The following TMEM117 variants were observed in gnomAD, a reference collection of about 807,000 sequenced individuals.
TMEM117 encodes transmembrane protein 117.
In TMEM117, 27 loss-of-function variants were observed where a neutral mutation model predicts 52.4. The observed-to-expected ratio is 0.51, with a 90% CI of 0.38 to 0.71. The LOEUF (loss-of-function observed/expected upper bound fraction) is 0.71. Ranked by LOEUF, TMEM117 falls within the 30% of genes least tolerant of loss-of-function variation. The probability of loss-of-function intolerance (pLI) is 0.00; values close to 1 mark genes in which losing one functional copy is unlikely to be tolerated. For missense variants in TMEM117, 556 were observed against 630.5 expected, an observed-to-expected ratio of 0.88 and a Z score of 1.26; for synonymous variants, 215 against 206.3, an observed-to-expected ratio of 1.04 and a Z score of -0.36.
chr12:44,070,530 G>C (rs1372335569), intron 3 of TMEM117, among the ~76,000 whole-genome samples: 1 of 152,144 alleles, frequency 6.6e-6, no homozygotes, highest in South Asian at 2.1e-4. Flanking sequence ...TACCTGTTGT[G>C]GTTTATCATT....
chr12:44,273,481 C>T (rs1950474499), intron 5 of TMEM117, among the ~76,000 whole-genome samples: 2 of 151,592 alleles, frequency 1.3e-5, no homozygotes, highest in African/African-American at 4.8e-5. Flanking sequence ...ACAGTATTAC[C>T]CTGACACCAA....
intron 6 of TMEM117, among the ~76,000 whole-genome samples, chr12:44,350,213 G>A (rs117355124): frequency 0.015 from 2,255 of 151,824 alleles, 28 homozygotes; most frequent in Middle Eastern, 0.045. Context: ...TACATACTAG[G>A]TATATATCTT....
chr12:44,107,143 C>T (rs1326472118), intron 3 of TMEM117, among the ~76,000 whole-genome samples: 1 of 151,942 alleles, frequency 6.6e-6, no homozygotes, highest in East Asian at 1.9e-4. Flanking sequence ...TCACTTAGTT[C>T]TCAAAATAAC....
At chr12:44,205,809 G>A (rs1290682564) in intron 4 of TMEM117, among the ~76,000 whole-genome samples, 3 of 152,228 alleles carry the variant, frequency 2.0e-5, no homozygotes, top group Non-Finnish European at 4.4e-5. Flanking sequence ...TATGCTGCTG[G>A]TGGGAATGTA....
intron 6 of TMEM117, among the ~76,000 whole-genome samples, chr12:44,300,573 G>A (rs1468291157): frequency 2.0e-5 from 3 of 152,044 alleles, no homozygotes; most frequent in Admixed American, 6.6e-5. Context: ...CATTTCTAGA[G>A]GCAAAAAGAG....
At chr12:43,961,843 C>T (rs1042504297) in intron 3 of TMEM117, among the ~76,000 whole-genome samples, 6 of 152,020 alleles carry the variant, frequency 3.9e-5, no homozygotes, top group Non-Finnish European at 7.4e-5. Flanking sequence ...ACTTTCTAGT[C>T]ATGGAAAATT....
intron 3 of TMEM117, among the ~76,000 whole-genome samples, chr12:43,967,063 G>A (rs995048168): frequency 6.6e-6 from 1 of 151,860 alleles, no homozygotes; most frequent in African/African-American, 2.4e-5. Context: ...TTAAGTATAG[G>A]TCGAACCCAG....
chr12:43,832,316 T>C (rs542451128), upstream of TMEM117, among the ~76,000 whole-genome samples: 9 of 152,364 alleles, frequency 5.9e-5, no homozygotes, highest in African/African-American at 1.9e-4. Context: ...GACTACCTAT[T>C]ACATGGCAGA....
chr12:44,044,253 C>G (rs766294349), intron 3 of TMEM117, among the ~76,000 whole-genome samples: 3 of 152,170 alleles, frequency 2.0e-5, no homozygotes, highest in Admixed American at 6.5e-5. Flanking sequence ...GAGCCTTTGG[C>G]AGGCCCCCAC....
intron 3 of TMEM117, among the ~76,000 whole-genome samples, chr12:44,100,619 A>T (rs1229816523): frequency 6.6e-6 from 1 of 151,954 alleles, no homozygotes; most frequent in African/African-American, 2.4e-5. Context: ...ACATCCCCCA[A>T]AGCAAAACTC....
chr12:43,945,697 A>G (rs1945120723), intron 3 of TMEM117, among the ~76,000 whole-genome samples: 1 of 152,204 alleles, frequency 6.6e-6, no homozygotes, highest in African/African-American at 2.4e-5. Context: ...GACAATAATA[A>G]ACCACTTTAG....
chr12:44,038,798 G>T (rs1293078998), intron 3 of TMEM117, among the ~76,000 whole-genome samples: 1 of 152,066 alleles, frequency 6.6e-6, no homozygotes, highest in Non-Finnish European at 1.5e-5. Context: ...TTGTTTAAAT[G>T]CTTTGAATAT....
chr12:44,119,224 T>C (rs1948194311), intron 3 of TMEM117, among the ~76,000 whole-genome samples: 1 of 152,272 alleles, frequency 6.6e-6, no homozygotes, highest in Non-Finnish European at 1.5e-5. Flanking sequence ...TGTCATCATA[T>C]GCTGTGTGCT....
chr12:43,938,235 T>A (rs1280084573), intron 2 of TMEM117, among the ~76,000 whole-genome samples: 1 of 147,858 alleles, frequency 6.8e-6, no homozygotes, highest in African/African-American at 2.5e-5. Context: ...AAGGCTATAT[T>A]ATATATTATT....
chr12:44,220,651 T>C (rs1434656625), intron 5 of TMEM117, among the ~76,000 whole-genome samples: 1 of 152,082 alleles, frequency 6.6e-6, no homozygotes. Context: ...CAGGGCTCTT[T>C]GGAGAAATGA....
chr12:44,064,756 T>C (rs7967835), intron 3 of TMEM117, among the ~76,000 whole-genome samples: 4,245 of 152,254 alleles, frequency 0.028, 125 homozygotes, highest in African/African-American at 0.074. Flanking sequence ...AGCCCTATAA[T>C]GGAGAGATGT....
intron 6 of TMEM117, among the ~76,000 whole-genome samples, chr12:44,314,188 A>C (rs1951025615): frequency 6.6e-6 from 1 of 152,282 alleles, no homozygotes. Context: ...TCTCATGGGG[A>C]ATACTTCCAG....
chr12:44,290,000 T>A (rs1950685075), intron 5 of TMEM117, among the ~76,000 whole-genome samples: 2 of 152,348 alleles, frequency 1.3e-5, no homozygotes, highest in Middle Eastern at 6.8e-3. Flanking sequence ...GGCATTTGTA[T>A]GTTTTCTTTG....
intron 2 of TMEM117, among the ~76,000 whole-genome samples, chr12:43,875,602 T>G (rs2052247462): frequency 6.6e-6 from 1 of 152,208 alleles, no homozygotes; most frequent in African/African-American, 2.4e-5. Flanking sequence ...TCTTGATTAT[T>G]TTCTTTGCCT....
Sources: allele counts gnomAD v4.1 joint callset (sites outside exome capture counted in the v4.1 genomes callset), GRCh38; gene constraint gnomAD v4.1.1; transcripts MANE v1.5; gene names NCBI Gene and HGNC (gene_info 2026-07-23, HGNC 2026-07-21).